The following ANKRD11 variants were observed in gnomAD, a reference collection of about 807,000 sequenced individuals.
ANKRD11 encodes the protein ankyrin repeat domain-containing protein 11.
Under a neutral mutation model 195.7 loss-of-function variants are expected in ANKRD11, and 17 were observed. That is an observed-to-expected ratio of 0.09 (90% CI 0.06 to 0.13). ANKRD11 has a LOEUF of 0.13. Among genes scored for constraint, ANKRD11 ranks in the 10% least tolerant of loss-of-function variants. The probability of loss-of-function intolerance (pLI) is 1.00; values close to 1 mark genes in which losing one functional copy is unlikely to be tolerated. For missense variants in ANKRD11, 3,735 were observed against 3,566.1 expected (o/e 1.05, Z -1.21); for synonymous variants, 1,953 against 1,528.1 (o/e 1.28, Z -6.49).
At chr16:89,439,458 C>T (rs753314877) in intron 1 of ANKRD11, among the ~76,000 whole-genome samples, 2 of 152,174 alleles carry the variant, frequency 1.3e-5, no homozygotes, top group African/African-American at 4.8e-5. Flanking sequence ...TATCTGTATA[C>T]ACTTTCAGTG....
At chr16:89,386,652 C>G (rs2040925324) in intron 2 of ANKRD11, among the ~76,000 whole-genome samples, 1 of 152,230 alleles carries the variant, frequency 6.6e-6, no homozygotes, top group Non-Finnish European at 1.5e-5. Context: ...TCTTCTCGTC[C>G]AGGAAACTTG....
intron 4 of ANKRD11, among the ~76,000 whole-genome samples, chr16:89,297,230 A>C (rs1024693435): frequency 2.0e-5 from 3 of 152,238 alleles, no homozygotes; most frequent in African/African-American, 7.2e-5. Flanking sequence ...ACAGGCCACG[A>C]TACTGTCAAC....
intron 1 of ANKRD11, among the ~76,000 whole-genome samples, chr16:89,463,370 C>A (rs984719335): frequency 1.3e-5 from 2 of 152,156 alleles, no homozygotes; most frequent in Non-Finnish European, 2.9e-5. Flanking sequence ...TGTGACCTTG[C>A]CCCCAACCCT....
At chr16:89,473,133 T>TCA (rs1057413128) in intron 1 of ANKRD11, among the ~76,000 whole-genome samples, 23 of 149,954 alleles carry the variant, frequency 1.5e-4, no homozygotes, top group Middle Eastern at 3.5e-3. Context: ...TAAGTCAGGA[T>TCA]CACACCACTG....
Position 89,291,068 on chromosome 16 carries a change from G to A in ANKRD11, c.342C>T (p.Arg114=), listed in dbSNP as rs766396863. Residue 114 remains arginine (R), a synonymous_variant, in exon 5 of 13, where the codon CGC becomes CGT. Coordinates refer to ENST00000301030, the MANE Select transcript of ANKRD11 (RefSeq NM_013275.6). The surrounding 1 kb of genome is among the most constrained non-coding windows in gnomAD (Gnocchi z 5.3). ...GIRAGYPLSE[R]QQVALLMQMT... is the part of the protein sequence containing the mutation. ...TCTGCATGAGAAGGGCCACCTGCTG[G>A]CGCTCGGAGAGGGGGTAGCCGGCTC... is the stretch of plus-strand genomic sequence containing the variant. 1.9e-6 allele frequency: 3 copies of A among 1,613,526 alleles called. No individual in the cohort carries two copies. In the South Asian group the frequency reaches 3.3e-5, roughly 18 times the overall value.
intron 1 of ANKRD11, among the ~76,000 whole-genome samples, chr16:89,485,418 C>T (rs1460879522): frequency 4.6e-5 from 7 of 152,018 alleles, no homozygotes; most frequent in African/African-American, 1.7e-4. Context: ...CACTTGAATC[C>T]GGGAGGCAGA....
chr16:89,280,578 G>T lies in ANKRD11; in HGVS notation c.5964C>A (p.Pro1988=). 1 of 1,613,412 alleles carries T rather than the reference G, an allele frequency of 6.2e-7. No individual in the cohort carries two copies. ...DLLLKSPQRF[P]ESPKRFCPAD... Reference sequence around the variant, plus strand: ...CGGGGCAGAAACGCTTTGGGGACTCGGGGAATCTCTGTGGAGACTTCAGCA... The same window carrying T: ...CGGGGCAGAAACGCTTTGGGGACTCTGGGAATCTCTGTGGAGACTTCAGCA... Residue 1988 remains proline, a synonymous_variant, in exon 9 of 13, where the codon CCC becomes CCA. Coordinates refer to ENST00000301030, the MANE Select transcript of ANKRD11 (RefSeq NM_013275.6).
intron 2 of ANKRD11, among the ~76,000 whole-genome samples, chr16:89,404,578 C>T (rs558620529): frequency 3.1e-4 from 47 of 152,344 alleles, no homozygotes; most frequent in Non-Finnish European, 6.0e-4. Context: ...ACTGTTGACT[C>T]GCAAAGTTAC....
intron 2 of ANKRD11, among the ~76,000 whole-genome samples, chr16:89,332,178 T>C (rs1480478854): frequency 6.6e-6 from 1 of 152,072 alleles, no homozygotes; most frequent in African/African-American, 2.4e-5. Context: ...AGCTGCAGAA[T>C]GTGTCACAGA....
rs1199769090 is a variant in ANKRD11 at position 89,282,431 on chromosome 16, C to A, written c.4111G>T (p.Ala1371Ser). 3.7e-6 allele frequency: 6 copies of A among 1,614,040 alleles called. No individual in the cohort carries two copies. The highest frequency in any genetic ancestry group is 5.1e-6 in the Non-Finnish European group (6 of 1,180,036). The change falls in exon 9 of 13, where the codon GCC (alanine) becomes TCC (serine). Residue 1371 changes from alanine to serine, a missense_variant. Ala to Ser is a moderately conservative substitution (Grantham distance 99). Transcript: ENST00000301030. ...HDRERAKKEKAEKKEKGEDYK... is the reference protein window; with the variant it reads ...HDRERAKKEKSEKKEKGEDYK... ...TCTTCGCCCTTCTCTTTCTTCTCGG[C>A]CTTCTCTTTCTTGGCTCGCTCTCGG...
At chr16:89,304,760 C>T (rs567715125) in intron 4 of ANKRD11, among the ~76,000 whole-genome samples, 3 of 152,346 alleles carry the variant, frequency 2.0e-5, no homozygotes, top group South Asian at 2.1e-4. Flanking sequence ...CCTCAGACCC[C>T]GCCTGTGCTT....
chr16:89,439,864 C>T (rs2043371003), intron 1 of ANKRD11, among the ~76,000 whole-genome samples: 1 of 152,204 alleles, frequency 6.6e-6, no homozygotes, highest in African/African-American at 2.4e-5. Flanking sequence ...TAACACTACC[C>T]ACAGTGCAGC....
At chr16:89,323,783 C>T (rs1597640574) in intron 2 of ANKRD11, 2 of 252,460 alleles carry the variant, frequency 7.9e-6, no homozygotes, top group East Asian at 1.4e-4. Flanking sequence ...CCAGCTCTCT[C>T]TCCTTCCCCT....
intron 2 of ANKRD11, among the ~76,000 whole-genome samples, chr16:89,370,203 C>T (rs1251900252): frequency 6.6e-6 from 1 of 152,232 alleles, no homozygotes; most frequent in African/African-American, 2.4e-5. Flanking sequence ...GGTGGAGCTG[C>T]TTCTTCTCAG....
At chr16:89,472,031 C>G (rs1436732665) in intron 1 of ANKRD11, among the ~76,000 whole-genome samples, 1 of 152,072 alleles carries the variant, frequency 6.6e-6, no homozygotes, top group Non-Finnish European at 1.5e-5. Context: ...TGTACCCATC[C>G]TTGACCCTCA....
At chr16:89,449,187 CAA>C (rs397778191) in intron 1 of ANKRD11, among the ~76,000 whole-genome samples, 20 of 73,414 alleles carry the variant, frequency 2.7e-4, no homozygotes, top group East Asian at 1.6e-3. Context: ...CCAGTCTCTA[CAA>C]AAAAAAAAAA....
chr16:89,346,250 GAAAAA>G (rs35573539), intron 2 of ANKRD11, among the ~76,000 whole-genome samples: 3 of 96,880 alleles, frequency 3.1e-5, no homozygotes, highest in African/African-American at 1.2e-4. Context: ...CCCGTCTCAG[GAAAAA>G]AAAAAAAAAA....
At chr16:89,488,206 CT>C (rs1327498447) in intron 1 of ANKRD11, among the ~76,000 whole-genome samples, 1 of 152,140 alleles carries the variant, frequency 6.6e-6, no homozygotes, top group Non-Finnish European at 1.5e-5. Flanking sequence ...TTGTGGGGAA[CT>C]TTTCAACAAA....
At chr16:89,384,698 A>G (rs769937525) in intron 2 of ANKRD11, among the ~76,000 whole-genome samples, 10 of 151,928 alleles carry the variant, frequency 6.6e-5, no homozygotes, top group Admixed American at 5.9e-4. Context: ...ATAGAACTCA[A>G]TTCTTCCCTC....
Sources: allele counts gnomAD v4.1 joint callset (sites outside exome capture counted in the v4.1 genomes callset), GRCh38; gene constraint gnomAD v4.1.1; non-coding constraint Gnocchi (gnomAD v3.1); transcripts MANE v1.5; gene names NCBI Gene and HGNC (gene_info 2026-07-23, HGNC 2026-07-21).